ANKS1B: variants seen among roughly 807,000 people sequenced by gnomAD.
The protein encoded by ANKS1B is ankyrin repeat and sterile alpha motif domain-containing protein 1B.
In ANKS1B, 36 loss-of-function variants were observed where a neutral mutation model predicts 148.3. That is an observed-to-expected ratio of 0.24 (90% CI 0.19 to 0.32). ANKS1B has a LOEUF of 0.32. Ranked by LOEUF, ANKS1B falls within the 10% of genes least tolerant of loss-of-function variation. ANKS1B has a pLI of 1.00. For synonymous variants in ANKS1B, 542 were observed against 560.8 expected (o/e 0.97, Z 0.47); for missense variants, 1,157 against 1,542.6 (o/e 0.75, Z 4.19).
chr12:99,383,951 G>A (rs11109819), intron 12 of ANKS1B, among the ~76,000 whole-genome samples: 38,214 of 151,464 alleles, frequency 0.25, 5,180 homozygotes, highest in East Asian at 0.49. Context: ...GGTTACTTGC[G>A]CCTGGAAGTG....
chr12:99,616,677 C>T (rs2097966201), intron 9 of ANKS1B, among the ~76,000 whole-genome samples: 1 of 152,080 alleles, frequency 6.6e-6, no homozygotes, highest in South Asian at 2.1e-4. Flanking sequence ...AAACCTAAAA[C>T]CATAAAAACC....
chr12:99,811,456 C>T (rs1171629096), intron 3 of ANKS1B, among the ~76,000 whole-genome samples: 2 of 151,838 alleles, frequency 1.3e-5, no homozygotes, highest in Non-Finnish European at 2.9e-5. Context: ...TGTTATCATA[C>T]TGTATTAGGG....
intron 17 of ANKS1B, among the ~76,000 whole-genome samples, chr12:99,024,785 T>C (rs1004145084): frequency 6.6e-6 from 1 of 152,160 alleles, no homozygotes; most frequent in African/African-American, 2.4e-5. Flanking sequence ...ATTAACCAAG[T>C]TGTGTATCTT....
intron 4 of ANKS1B, among the ~76,000 whole-genome samples, chr12:99,794,204 T>C (rs2065971656): frequency 6.6e-6 from 1 of 151,826 alleles, no homozygotes; most frequent in African/African-American, 2.4e-5. Context: ...AACAAGGGAA[T>C]CCTATATACT....
chr12:98,932,342 T>C (rs1323046155), intron 17 of ANKS1B, among the ~76,000 whole-genome samples: 1 of 152,216 alleles, frequency 6.6e-6, no homozygotes, highest in African/African-American at 2.4e-5. Context: ...AGTCATTCCT[T>C]GTGTTCTGAA....
At chr12:99,717,949 G>T (rs997945683) in intron 8 of ANKS1B, among the ~76,000 whole-genome samples, 3 of 140,518 alleles carry the variant, frequency 2.1e-5, no homozygotes, top group African/African-American at 8.0e-5. Flanking sequence ...TGTCGCCCAG[G>T]CTGGAGTGCA....
chr12:99,498,727 T>C (rs1337370195), intron 10 of ANKS1B, among the ~76,000 whole-genome samples: 2 of 152,186 alleles, frequency 1.3e-5, no homozygotes, highest in African/African-American at 4.8e-5. Context: ...ATCAGAACTA[T>C]AGGGTATTTA....
intron 1 of ANKS1B, among the ~76,000 whole-genome samples, chr12:99,933,446 T>C (rs2153810173): frequency 6.6e-6 from 1 of 152,258 alleles, no homozygotes; most frequent in South Asian, 2.1e-4. Context: ...TGCATCAGTG[T>C]TGTATAGTTT....
intron 11 of ANKS1B, among the ~76,000 whole-genome samples, chr12:99,415,468 C>T (rs916701046): frequency 2.6e-5 from 4 of 152,090 alleles, no homozygotes; most frequent in Non-Finnish European, 5.9e-5. Flanking sequence ...GACATTTTTA[C>T]AAATAAAGGT....
At chr12:99,020,197 G>T (rs1185553315) in intron 17 of ANKS1B, among the ~76,000 whole-genome samples, 15 of 151,762 alleles carry the variant, frequency 9.9e-5, no homozygotes, top group Non-Finnish European at 1.5e-5. Flanking sequence ...TCCATCTCTG[G>T]CACTTTTTCA....
At chr12:99,527,975 C>T (rs1029376149) in intron 9 of ANKS1B, among the ~76,000 whole-genome samples, 3 of 151,362 alleles carry the variant, frequency 2.0e-5, no homozygotes, top group Non-Finnish European at 2.9e-5. Context: ...AAGCTATATA[C>T]TACAAGGCTA....
At chr12:99,313,670 A>G (rs1192357009) in intron 12 of ANKS1B, among the ~76,000 whole-genome samples, 2 of 152,216 alleles carry the variant, frequency 1.3e-5, no homozygotes, top group African/African-American at 4.8e-5. Context: ...CAAAAACCAC[A>G]TGATTATCTC....
intron 17 of ANKS1B, among the ~76,000 whole-genome samples, chr12:98,886,387 C>A (rs2099740224): frequency 6.6e-6 from 1 of 152,098 alleles, no homozygotes; most frequent in Admixed American, 6.5e-5. Flanking sequence ...AATGGAGACA[C>A]TTCTGATAGT....
rs369029326 is a variant in ANKS1B at position 99,866,621 on chromosome 12, C to T, written c.135-41232G>A. On this transcript the variant is annotated intron_variant, in intron 1 of 26. Transcript: ENST00000683438. Reference sequence around the variant, plus strand: ...CTTGTACTTCTTAACATTTTCAATGCCATTGCCTTTATTCTAGTATCTTTT... The same window carrying T: ...CTTGTACTTCTTAACATTTTCAATGTCATTGCCTTTATTCTAGTATCTTTT... 1.4e-4 allele frequency among the ~76,000 whole-genome samples: 21 copies of T among 152,200 alleles called. No homozygotes were observed. In the East Asian group the frequency reaches 2.9e-3, roughly 21 times the overall value.
At chr12:99,146,079 G>GT (rs1356057663) in intron 15 of ANKS1B, among the ~76,000 whole-genome samples, 2 of 151,990 alleles carry the variant, frequency 1.3e-5, no homozygotes, top group Non-Finnish European at 2.9e-5. Context: ...ACAGTATATG[G>GT]TGAGAATTAT....
intron 12 of ANKS1B, among the ~76,000 whole-genome samples, chr12:99,370,625 A>G (rs545616908): frequency 1.3e-5 from 2 of 152,286 alleles, no homozygotes; most frequent in Non-Finnish European, 2.9e-5. Flanking sequence ...TTGTTTGTTA[A>G]TAAGTACCTG....
chr12:99,872,529 C>A (rs1414067919), intron 1 of ANKS1B, among the ~76,000 whole-genome samples: 2 of 151,926 alleles, frequency 1.3e-5, no homozygotes, highest in Admixed American at 6.6e-5. Flanking sequence ...CAAACACTAC[C>A]CAGTGATAAA....
chr12:99,383,338 T>C (rs775468231), intron 12 of ANKS1B, among the ~76,000 whole-genome samples: 5 of 152,204 alleles, frequency 3.3e-5, no homozygotes, highest in Non-Finnish European at 7.3e-5. Flanking sequence ...CTTATTTATG[T>C]GGCGATGAAA....
At chr12:99,101,384 T>C (rs112665278) in intron 15 of ANKS1B, among the ~76,000 whole-genome samples, 8 of 152,350 alleles carry the variant, frequency 5.3e-5, no homozygotes, top group African/African-American at 1.9e-4. Context: ...GGAATGGTGA[T>C]GTATTAAAGA....
Sources: allele counts gnomAD v4.1 joint callset (sites outside exome capture counted in the v4.1 genomes callset), GRCh38; gene constraint gnomAD v4.1.1; transcripts MANE v1.5; gene names NCBI Gene and HGNC (gene_info 2026-07-23, HGNC 2026-07-21).